ACACA: variants seen among roughly 807,000 people sequenced by gnomAD.
The protein encoded by ACACA is acetyl-CoA carboxylase alpha, also known as acetyl-CoA carboxylase 1.
Under a neutral mutation model 296.1 loss-of-function variants are expected in ACACA, and 103 were observed. That is an observed-to-expected ratio of 0.35 (90% CI 0.30 to 0.41). The LOEUF is 0.41. Ranked by LOEUF, ACACA falls within the 10% of genes least tolerant of loss-of-function variation. The pLI is 1.00. For missense variants in ACACA, 1,554 were observed against 2,989.7 expected, an observed-to-expected ratio of 0.52 and a Z score of 11.20; for synonymous variants, 953 against 1,038.6, an observed-to-expected ratio of 0.92 and a Z score of 1.58.
intron 3 of ACACA, among the ~76,000 whole-genome samples, chr17:37,313,775 C>T (rs1484238783): frequency 6.6e-6 from 1 of 152,118 alleles, no homozygotes; most frequent in Non-Finnish European, 1.5e-5. Flanking sequence ...TCCATACAAC[C>T]ACTATGGAGA....
Position 37,199,218 on chromosome 17 carries a change from C to G in ACACA, c.4158+921G>C, listed in dbSNP as rs1041753762. ...TTGCGCCACTGCACTCCAGCCTGGG[C>G]GACTAAGCAAGACACTCTCTCAAAA... On this transcript the variant is annotated intron_variant, in intron 35 of 55. Transcript: ENST00000616317. Among the ~76,000 whole-genome samples the G allele has an allele frequency of 9.7e-5, 14 of 144,486 alleles. No individual in the cohort carries two copies. In the East Asian group the frequency reaches 1.2e-3, roughly 12 times the overall value. The allele number at this position is 144,486 out of a possible 152,430, so 94.8% of individuals were successfully genotyped here.
chr17:37,179,692 AT>A (rs1198740203), intron 40 of ACACA, among the ~76,000 whole-genome samples: 2 of 152,220 alleles, frequency 1.3e-5, no homozygotes, highest in African/African-American at 4.8e-5. Flanking sequence ...TCCTAGGAAT[AT>A]TAAAATTAAA....
chr17:37,219,270 C>T (rs1337668284), intron 29 of ACACA, among the ~76,000 whole-genome samples: 2 of 152,164 alleles, frequency 1.3e-5, no homozygotes, highest in Admixed American at 6.5e-5. Context: ...GGTTGATAAA[C>T]TCTGATTCCA....
At chr17:37,108,626 G>A (rs1370135226) in intron 52 of ACACA, among the ~76,000 whole-genome samples, 2 of 152,108 alleles carry the variant, frequency 1.3e-5, no homozygotes, top group East Asian at 3.9e-4. Context: ...AACCTCAGGT[G>A]ATCTGCCTGC....
At chr17:37,207,177 T>C (rs1427669719) in intron 31 of ACACA, among the ~76,000 whole-genome samples, 1 of 152,226 alleles carries the variant, frequency 6.6e-6, no homozygotes, top group Non-Finnish European at 1.5e-5. Flanking sequence ...ACTTCTGTCA[T>C]CATCGGTCTT....
intron 1 of ACACA, chr17:37,369,595 G>A (rs1196879403): frequency 6.6e-6 from 1 of 151,946 alleles, no homozygotes. Flanking sequence ...TTGAGCCTAG[G>A]AGTTCAAATC....
intron 5 of ACACA, among the ~76,000 whole-genome samples, chr17:37,282,697 T>C (rs1242117752): frequency 6.6e-6 from 1 of 152,162 alleles, no homozygotes; most frequent in Non-Finnish European, 1.5e-5. Flanking sequence ...GATTATACCT[T>C]AGTGATAGAA....
intron 41 of ACACA, chr17:37,163,034 C>A: frequency 6.5e-6 from 1 of 154,992 alleles, no homozygotes; most frequent in South Asian, 1.8e-4. Context: ...AGCTGGCGGT[C>A]AAACAGTTCC....
At chr17:37,112,049 A>ACTATCTAT (rs10531552) in intron 51 of ACACA, among the ~76,000 whole-genome samples, 4,453 of 149,434 alleles carry the variant, frequency 0.03, 124 homozygotes, top group African/African-American at 0.065. Flanking sequence ...CTTCATCAAT[A>ACTATCTAT]CTATCTATCT....
intron 39 of ACACA, among the ~76,000 whole-genome samples, chr17:37,184,690 A>T (rs923062917): frequency 6.6e-6 from 1 of 151,976 alleles, no homozygotes; most frequent in Non-Finnish European, 1.5e-5. Flanking sequence ...TCTCTAAAAA[A>T]ATTTAAAAAC....
At chr17:37,214,453 C>T (rs970713184) in intron 29 of ACACA, among the ~76,000 whole-genome samples, 22 of 152,202 alleles carry the variant, frequency 1.4e-4, no homozygotes, top group African/African-American at 4.3e-4. Flanking sequence ...AACAGAGCTA[C>T]AGCATATTAC....
intron 30 of ACACA, among the ~76,000 whole-genome samples, chr17:37,208,487 T>C (rs1291725483): frequency 2.0e-5 from 3 of 152,142 alleles, no homozygotes; most frequent in Non-Finnish European, 2.9e-5. Context: ...CAACCCCAAA[T>C]TGCACGTTTT....
chr17:37,389,319 C>T, intron 1 of ACACA: 1 of 1,596,198 alleles, frequency 6.3e-7, no homozygotes, highest in South Asian at 1.1e-5. Flanking sequence ...GGAGGCCAGC[C>T]ACCTGGGACA....
At chr17:37,354,369 C>T (rs1036733982) in intron 1 of ACACA, among the ~76,000 whole-genome samples, 1 of 152,166 alleles carries the variant, frequency 6.6e-6, no homozygotes, top group African/African-American at 2.4e-5. Context: ...TTTCACTTGC[C>T]TCCTTAAACA....
At chr17:37,220,104 G>A (rs922536081) in intron 29 of ACACA, among the ~76,000 whole-genome samples, 1 of 152,118 alleles carries the variant, frequency 6.6e-6, no homozygotes, top group Non-Finnish European at 1.5e-5. Context: ...CCAGATGTTG[G>A]GAGGGACTGG....
At chr17:37,242,138 A>ATCT in intron 22 of ACACA, 85 bp from the exon 23 acceptor site, 1 of 1,028,196 alleles carries the variant, frequency 9.7e-7, no homozygotes, top group South Asian at 1.3e-5. Context: ...ACCAGTAGGA[A>ATCT]TCTTCTTCTT....
chr17:37,198,282 T>A (rs1180227227), intron 35 of ACACA, among the ~76,000 whole-genome samples: 1 of 152,212 alleles, frequency 6.6e-6, no homozygotes, highest in Non-Finnish European at 1.5e-5. Flanking sequence ...AACCAGTTAG[T>A]GTGCTATAGA....
intron 52 of ACACA, among the ~76,000 whole-genome samples, chr17:37,103,905 G>A (rs2073513695): frequency 6.6e-6 from 1 of 152,150 alleles, no homozygotes; most frequent in South Asian, 2.1e-4. Flanking sequence ...AGCCAGGCAT[G>A]GTGAAGCGTG....
chr17:37,370,507 A>C (rs2049765609), intron 1 of ACACA, among the ~76,000 whole-genome samples: 1 of 148,920 alleles, frequency 6.7e-6, no homozygotes, highest in Non-Finnish European at 1.5e-5. Flanking sequence ...AAAAAAAAAA[A>C]TTAGCCGGGC....
Sources: gnomAD v4.1 joint callset for allele counts (sites outside exome capture counted in the v4.1 genomes callset) on GRCh38, gnomAD v4.1.1 for gene constraint, MANE v1.5 for transcripts, NCBI Gene and HGNC (gene_info 2026-07-23, HGNC 2026-07-21) for gene names.